The following RCC1L variants were observed in gnomAD, a reference collection of about 807,000 sequenced individuals.
The protein encoded by RCC1L is RCC1-like G exchanging factor-like protein.
In RCC1L, 46 loss-of-function variants were observed where a neutral mutation model predicts 58.6. The ratio of observed to expected loss-of-function variants is 0.79; its 90% CI spans 0.62 to 1.00. The LOEUF is 1.00. Among genes scored for constraint, RCC1L ranks in the 50% least tolerant of loss-of-function variants. The pLI, the probability that RCC1L is intolerant of heterozygous loss-of-function variation, is 0.00. For synonymous variants in RCC1L, 281 were observed against 262.9 expected, an observed-to-expected ratio of 1.07 and a Z score of -0.67; for missense variants, 636 against 623.6, an observed-to-expected ratio of 1.02 and a Z score of -0.21.
intron 2 of RCC1L, among the ~76,000 whole-genome samples, chr7:75,069,831 C>T (rs1422601459): frequency 6.6e-6 from 1 of 151,504 alleles, no homozygotes; most frequent in Non-Finnish European, 1.5e-5. Context: ...TCCCAAAGTG[C>T]TGGGATTACA....
chr7:75,035,038 G>A (rs1805407415), intron 10 of RCC1L, among the ~76,000 whole-genome samples: 1 of 151,818 alleles, frequency 6.6e-6, no homozygotes, highest in Non-Finnish European at 1.5e-5. Flanking sequence ...TTACATTTAT[G>A]TATTTATTTA....
chr7:75,068,503 T>C (rs1217356177), intron 2 of RCC1L, among the ~76,000 whole-genome samples: 1 of 152,004 alleles, frequency 6.6e-6, no homozygotes, highest in Non-Finnish European at 1.5e-5. Context: ...CTGGCCAACG[T>C]GGTGAAACCC....
At chr7:75,056,844 G>C (rs1459009137) in intron 8 of RCC1L, 2 of 1,026,718 alleles carry the variant, frequency 1.9e-6, no homozygotes, top group Admixed American at 4.0e-5. Flanking sequence ...TTTGAAACAG[G>C]GTCTCACCGT....
At chr7:75,038,502 T>C (rs1256643200), downstream of RCC1L, among the ~76,000 whole-genome samples, 1 of 151,792 alleles carries the variant, frequency 6.6e-6, no homozygotes, top group Non-Finnish European at 1.5e-5. Flanking sequence ...GGTGTGATCT[T>C]GGCTCACTGC....
In RCC1L at chr7:75,061,224, C is replaced by T. The variant is rs1806269001; in HGVS notation, c.770G>A (p.Gly257Asp). 1.2e-6 allele frequency: 2 copies of T among 1,613,770 alleles called. No homozygotes were observed. The highest frequency in any genetic ancestry group is 1.7e-6 in the Non-Finnish European group (2 of 1,179,790). The change falls in exon 6 of 11, where the codon GGT becomes GAT. Residue 257 changes from glycine to aspartate, a missense_variant. Transcript: ENST00000610322. Reference protein sequence around the residue: ...DKGEVYSCGWGADGQTGLGHY... With the variant: ...DKGEVYSCGWDADGQTGLGHY... The stretch of plus-strand genomic sequence containing the variant: ...AACTCTACCTGTTTGCCCATCAGCA[C>T]CCCATCCACAAGAATAGACTTCTCC...
intron 1 of RCC1L, among the ~76,000 whole-genome samples, chr7:75,071,169 T>A (rs774027907): frequency 3.9e-5 from 6 of 152,174 alleles, no homozygotes; most frequent in Non-Finnish European, 5.9e-5. Flanking sequence ...GAACACATAT[T>A]ATTAAGACAG....
chr7:75,072,591 T>C (rs941258455), intron 1 of RCC1L, among the ~76,000 whole-genome samples: 1 of 152,154 alleles, frequency 6.6e-6, no homozygotes, highest in Non-Finnish European at 1.5e-5. Context: ...GTGTTTTAAC[T>C]ACACTCTCAT....
chr7:75,060,706 C>G (rs1220222423), intron 6 of RCC1L, among the ~76,000 whole-genome samples: 1 of 152,146 alleles, frequency 6.6e-6, no homozygotes, highest in African/African-American at 2.4e-5. Flanking sequence ...GCTGGGATTA[C>G]AGGTGTGAGC....
intron 10 of RCC1L, among the ~76,000 whole-genome samples, chr7:75,051,184 T>A (rs587619629): frequency 0.047 from 6,725 of 141,994 alleles, 208 homozygotes; most frequent in Middle Eastern, 0.14. Flanking sequence ...AAAAAATATA[T>A]ATATATATAT....
At chr7:75,064,473 CCT>C in intron 4 of RCC1L, 107 bp downstream of exon 4, 8 of 1,202,682 alleles carry the variant, frequency 6.7e-6, no homozygotes, top group Admixed American at 3.5e-5. Flanking sequence ...CTCACGGCCC[CCT>C]CTCAGGCATG....
downstream of RCC1L, among the ~76,000 whole-genome samples, chr7:75,040,627 C>T (rs1160829783): frequency 6.6e-6 from 1 of 152,100 alleles, no homozygotes; most frequent in African/African-American, 2.4e-5. Flanking sequence ...GGGCACTTAC[C>T]ATCTCTAGAT....
intron 8 of RCC1L, among the ~76,000 whole-genome samples, chr7:75,057,063 T>G (rs1806104213): frequency 6.6e-6 from 1 of 152,166 alleles, no homozygotes; most frequent in South Asian, 2.1e-4. Context: ...AACCTCTGCC[T>G]CCTGGGTCCA....
In RCC1L at chr7:75,063,347, C is replaced by T; in HGVS notation, c.651-4G>A. 3 of 1,613,828 alleles carry T rather than the reference C, an allele frequency of 1.9e-6. No homozygotes were observed. Among genetic ancestry groups the T allele is most frequent in the African/African-American group, 1.3e-5 (1 of 75,016 alleles). On this transcript the variant is annotated splice_polypyrimidine_tract_variant and splice_region_variant and intron_variant, in intron 4 of 10. Transcript: ENST00000610322. ...CCTGTGGACTCTGTGACTTTCACTA[C>T]AGCCAGGAACAAATTGGGAAGAAGC...
intron 10 of RCC1L, among the ~76,000 whole-genome samples, chr7:75,033,533 A>G (rs1805362931): frequency 6.6e-6 from 1 of 152,008 alleles, no homozygotes. Flanking sequence ...CGTCTCTACT[A>G]AAAATATAAA....
At chr7:75,047,645 A>ATT (rs1375226788) in intron 10 of RCC1L, among the ~76,000 whole-genome samples, 1 of 148,894 alleles carries the variant, frequency 6.7e-6, no homozygotes, top group Non-Finnish European at 1.5e-5. Context: ...AATAAATAAA[A>ATT]TTATATATAT....
intron 4 of RCC1L, 56 bp downstream of exon 4, chr7:75,064,526 G>A: frequency 6.2e-7 from 1 of 1,600,028 alleles, no homozygotes; most frequent in South Asian, 1.1e-5. Flanking sequence ...CATCTCCCTA[G>A]AAATGTTTTG....
At chr7:75,054,507 T>C (rs1219768959) in intron 9 of RCC1L, among the ~76,000 whole-genome samples, 1 of 152,206 alleles carries the variant, frequency 6.6e-6, no homozygotes, top group Non-Finnish European at 1.5e-5. Flanking sequence ...TTTCTAAACA[T>C]GTGTCTCTGC....
exon 11 of RCC1L, chr7:75,027,951 G>A (rs1805184264): frequency 6.7e-5 from 95 of 1,428,160 alleles, no homozygotes; most frequent in Non-Finnish European, 8.6e-6. Flanking sequence ...CCCACTTGGA[G>A]GGGCATGTGT....
At position 75,048,333 on chromosome 7, in the gene RCC1L, G is replaced by A. The variant is rs1490528958; in HGVS notation, c.1317+4378C>T. On this transcript the variant is annotated intron_variant, in intron 10 of 10. Coordinates refer to ENST00000610322, the MANE Select transcript of RCC1L (RefSeq NM_030798.5). The stretch of plus-strand genomic sequence containing the variant: ...GGGCTATGGAAGGAGTCGTATAAGC[G>A]AGGCTAGAAGTCAGCGAGCTCCCCA... Among the ~76,000 whole-genome samples the A allele has an allele frequency of 9.9e-5, 15 of 151,656 alleles. No homozygotes were observed. In the East Asian group the frequency reaches 2.5e-3, roughly 25 times the overall value.
Sources: allele counts gnomAD v4.1 joint callset (sites outside exome capture counted in the v4.1 genomes callset), GRCh38; gene constraint gnomAD v4.1.1; transcripts MANE v1.5; gene names NCBI Gene and HGNC (gene_info 2026-07-23, HGNC 2026-07-21).